TUBA3E: variants seen among roughly 807,000 people sequenced by gnomAD.
The protein encoded by TUBA3E is tubulin alpha 3e, also known as tubulin alpha-3E chain.
Under a neutral mutation model 36.7 loss-of-function variants are expected in TUBA3E, and 21 were observed. The ratio of observed to expected loss-of-function variants is 0.57; its 90% CI spans 0.41 to 0.83. TUBA3E has a LOEUF of 0.83. Ranked by LOEUF, TUBA3E falls within the 40% of genes least tolerant of loss-of-function variation. TUBA3E has a pLI of 0.00. For missense variants in TUBA3E, 469 were observed against 604.2 expected (o/e 0.78, Z 2.35); for synonymous variants, 177 against 241.9 (o/e 0.73, Z 2.49).
At position 130,193,906 on chromosome 2, in the gene TUBA3E, G is replaced by A. The variant is rs756131642; in HGVS notation, c.936C>T (p.Tyr312=). The change falls in exon 4 of 5, where the codon TAC becomes TAT. Residue 312 remains tyrosine, a synonymous_variant. Transcript: ENST00000312988. ...MVKCDPRHGK[Y]MACCMLYRGD... Reference sequence around the variant, plus strand: ...CCCTGTACAACATGCAGCAGGCCATGTACTTGCCATGGCGAGGGTCACACT... The same window carrying A: ...CCCTGTACAACATGCAGCAGGCCATATACTTGCCATGGCGAGGGTCACACT... 5.6e-6 allele frequency: 9 copies of A among 1,614,138 alleles called. No homozygotes were observed. Among genetic ancestry groups the A allele is most frequent in the Non-Finnish European group, 7.6e-6 (9 of 1,180,056 alleles).
intron 2 of TUBA3E, among the ~76,000 whole-genome samples, chr2:130,195,873 G>A (rs1358458437): frequency 6.6e-6 from 1 of 152,264 alleles, no homozygotes; most frequent in Non-Finnish European, 1.5e-5. Flanking sequence ...AGGGCCACCT[G>A]AGCAGGGCTG....
In TUBA3E at chr2:130,198,215, C is replaced by G. The variant is rs575326671; in HGVS notation, c.3+143G>C. The G allele has an allele frequency of 5.3e-4, 507 of 959,180 alleles. 102 individuals are homozygous for G. In the African/African-American group the frequency reaches 8.2e-3, roughly 16 times the overall value. The allele number at this position is 959,180 out of a possible 1,614,324, so 59.4% of individuals were successfully genotyped here. ...GACCTGCAGATCCAGGAAACGATCC[C>G]GTGTCCTCCTGTCCCGCACTAGACC... is the stretch of plus-strand genomic sequence containing the variant. On this transcript the variant is annotated intron_variant, in intron 1 of 4. Coordinates refer to ENST00000312988, the MANE Select transcript of TUBA3E (RefSeq NM_207312.3).
Position 130,193,779 on chromosome 2 carries a change from G to A in TUBA3E, c.1056+7C>T, listed in dbSNP as rs1690329209. The A allele has an allele frequency of 6.3e-7, 1 of 1,597,576 alleles. No homozygotes were observed. Among genetic ancestry groups the A allele is most frequent in the African/African-American group, 1.3e-5 (1 of 74,728 alleles). ...TGCTGAAAGGCCTCCATGTCACCCAGTCATACCTTAAATCCAGTCGGGCAC... is the reference window on the plus strand; with the variant it reads ...TGCTGAAAGGCCTCCATGTCACCCAATCATACCTTAAATCCAGTCGGGCAC... On this transcript the variant is annotated splice_region_variant and intron_variant, in intron 4 of 4. Transcript: ENST00000312988.
chr2:130,193,819 G>C lies in TUBA3E; in HGVS notation c.1023C>G (p.Ile341Met). ...AIATIKTKRT[I>M]QFVDWCPTGF... The stretch of plus-strand genomic sequence containing the variant: ...CAGTCGGGCACCAATCCACAAACTG[G>C]ATAGTGCGCTTGGTCTTGATGGTGG... The change falls in exon 4 of 5, where the codon ATC (isoleucine) becomes ATG (methionine). Residue 341 changes from isoleucine to methionine, a missense_variant. Ile to Met is a conservative substitution (Grantham distance 10, BLOSUM62 1). This residue lies in a region of TUBA3E where 296 missense variants were observed against 346.9 expected (regional missense o/e 0.85). Coordinates refer to ENST00000312988, the MANE Select transcript of TUBA3E (RefSeq NM_207312.3). The C allele has an allele frequency of 6.2e-7, 1 of 1,613,204 alleles. No individual in the cohort carries two copies. Among genetic ancestry groups the C allele is most frequent in the Non-Finnish European group, 8.5e-7 (1 of 1,179,322 alleles).
intron 2 of TUBA3E, among the ~76,000 whole-genome samples, chr2:130,195,536 C>T (rs1290831604): frequency 6.6e-6 from 1 of 152,230 alleles, no homozygotes; most frequent in Non-Finnish European, 1.5e-5. Context: ...CGTGTAGCTA[C>T]ATCAAAGGCT....
chr2:130,193,069 G>T (rs1296607134), intron 4 of TUBA3E, among the ~76,000 whole-genome samples: 1 of 147,816 alleles, frequency 6.8e-6, no homozygotes, highest in African/African-American at 2.5e-5. Context: ...TTCCAACCTG[G>T]ACGACAGAGC....
intron 1 of TUBA3E, among the ~76,000 whole-genome samples, chr2:130,196,821 C>A (rs572006977): frequency 6.6e-6 from 1 of 152,168 alleles, no homozygotes; most frequent in African/African-American, 2.4e-5. Context: ...CCTCTCTCTG[C>A]CCCCCAGTTC....
chr2:130,196,289 C>A lies in TUBA3E; in HGVS notation c.86G>T (p.Gly29Val), dbSNP rs1573772148. The A allele has an allele frequency of 1.2e-6, 2 of 1,614,110 alleles. No individual in the cohort carries two copies. The highest frequency in any genetic ancestry group is 8.5e-7 in the Non-Finnish European group (1 of 1,179,942). ...ACWELYCLEH[G>V]IQPDGQMPSD... ...TGGCATTTGACCATCGGGCTGAATT[C>A]CATGTTCAAGGCAGTACAGTTCCCA... The change falls in exon 2 of 5, where the codon GGA (glycine) becomes GTA (valine). Residue 29 changes from glycine (G) to valine (V), a missense_variant. Coordinates refer to ENST00000312988, the MANE Select transcript of TUBA3E (RefSeq NM_207312.3).
rs1422083964 is a variant in TUBA3E, at chr2:130,197,357, C to T, written c.4-986G>A. Among the ~76,000 whole-genome samples the T allele has an allele frequency of 3.0e-5, 4 of 131,892 alleles. 1 individual carries two copies. The East Asian group carries it at 9.7e-4, about 32-fold the overall frequency. 86.5% of individuals were successfully genotyped at this position (131,892 alleles called of 152,430 possible). A position where few individuals can be genotyped will look rare whatever the true frequency, so the allele number is the denominator to read the frequency against. ...TACAAATTAGCCAGGTGTGGTGGCA[C>T]ACACCTGTAGTACCAGCTACTCGGA... On this transcript the variant is annotated intron_variant, in intron 1 of 4. Coordinates refer to ENST00000312988, the MANE Select transcript of TUBA3E (RefSeq NM_207312.3).
chr2:130,195,047 G>T (rs1411201293), intron 3 of TUBA3E, 32 bp downstream of exon 3: 8 of 1,610,410 alleles, frequency 5.0e-6, no homozygotes, highest in Non-Finnish European at 6.8e-6. Flanking sequence ...TCCCATGCAA[G>T]ACAATGGCCA....
chr2:130,195,544 G>A (rs900779217), intron 2 of TUBA3E, among the ~76,000 whole-genome samples: 2 of 152,194 alleles, frequency 1.3e-5, no homozygotes, highest in Non-Finnish European at 2.9e-5. Context: ...TACATCAAAG[G>A]CTGTAAGTTA....
intron 4 of TUBA3E, among the ~76,000 whole-genome samples, chr2:130,192,607 T>C (rs1392322921): frequency 1.3e-5 from 2 of 152,154 alleles, no homozygotes; most frequent in Non-Finnish European, 2.9e-5. Context: ...TCAAGAGTCA[T>C]ATGAATGCTG....
chr2:130,192,990 A>T (rs1298157142), intron 4 of TUBA3E, among the ~76,000 whole-genome samples: 4 of 151,966 alleles, frequency 2.6e-5, no homozygotes, highest in Non-Finnish European at 5.9e-5. Context: ...GCTACTTGGG[A>T]GGCTGAGGCA....
intron 3 of TUBA3E, 66 bp downstream of exon 3, chr2:130,195,013 C>T: frequency 1.3e-6 from 2 of 1,592,870 alleles, no homozygotes; most frequent in Non-Finnish European, 8.6e-7. Context: ...AATGACTTCC[C>T]TTTCACATTC....
chr2:130,197,492 C>CAAAAAAAAAAAAAAAAAAAAAA (rs1202771961), intron 1 of TUBA3E, among the ~76,000 whole-genome samples: 1 of 44,412 alleles, frequency 2.3e-5, no homozygotes, highest in Non-Finnish European at 5.0e-5. Flanking sequence ...AGTGCTGTCT[C>CAAAAAAAAAAAAAAAAAAAAAA]AAAAAAAAAA....
At position 130,193,804 on chromosome 2, in the gene TUBA3E, C is replaced by T; in HGVS notation, c.1038G>A (p.Trp346Ter). 13 of 1,609,260 alleles carry T rather than the reference C, an allele frequency of 8.1e-6. No homozygotes were observed. Among genetic ancestry groups the T allele is most frequent in the Non-Finnish European group, 1.1e-5 (13 of 1,176,304 alleles). ...KTKRTIQFVDWCPTGFKVGIN... is the reference protein window; with the variant it reads ...KTKRTIQFVD Reference sequence around the variant, plus strand: ...GTCATACCTTAAATCCAGTCGGGCACCAATCCACAAACTGGATAGTGCGCT... The same window carrying T: ...GTCATACCTTAAATCCAGTCGGGCATCAATCCACAAACTGGATAGTGCGCT... The change falls in exon 4 of 5, where the codon TGG becomes TGA. Residue 346 changes from tryptophan (W) to a stop codon, truncating the protein, a stop_gained. Coordinates refer to ENST00000312988, the MANE Select transcript of TUBA3E (RefSeq NM_207312.3). LOFTEE classifies it high-confidence loss of function.
chr2:130,197,579 G>A (rs577165867), intron 1 of TUBA3E, among the ~76,000 whole-genome samples: 1 of 127,198 alleles, frequency 7.9e-6, no homozygotes, highest in African/African-American at 2.7e-5. Context: ...TCAGACTTGG[G>A]ACTTGGGAAT....
intron 4 of TUBA3E, among the ~76,000 whole-genome samples, 161 bp downstream of exon 4, chr2:130,193,625 A>C (rs192611581): frequency 1.3e-5 from 2 of 151,958 alleles, no homozygotes; most frequent in Non-Finnish European, 2.9e-5. Flanking sequence ...AAAAAAAAAA[A>C]AAATCACTGA....
At position 130,192,145 on chromosome 2, in the gene TUBA3E, G is replaced by T; in HGVS notation, c.1057-18C>A. On this transcript the variant is annotated intron_variant, in intron 4 of 4. Coordinates refer to ENST00000312988, the MANE Select transcript of TUBA3E (RefSeq NM_207312.3). ...ATGCCCACCTGCCAGAGAAGGGAAA[G>T]AAAGCAGTCCGTGAAGCTTATATCA... 1.3e-6 allele frequency: 2 copies of T among 1,589,292 alleles called. No individual in the cohort carries two copies. Among genetic ancestry groups the T allele is most frequent in the Non-Finnish European group, 1.7e-6 (2 of 1,166,736 alleles).
Sources: allele counts gnomAD v4.1 joint callset (sites outside exome capture counted in the v4.1 genomes callset), GRCh38; gene constraint gnomAD v4.1.1; regional missense constraint gnomAD v4.1.1; transcripts MANE v1.5; gene names NCBI Gene and HGNC (gene_info 2026-07-23, HGNC 2026-07-21).